The following CCL25 variants were observed in gnomAD, a reference collection of about 807,000 sequenced individuals.
The protein encoded by CCL25 is C-C motif chemokine 25.
CCL25 carries 14 observed loss-of-function variants against 19.9 expected under a neutral mutation model. The observed-to-expected ratio is 0.70, with a 90% CI of 0.47 to 1.10. The LOEUF (loss-of-function observed/expected upper bound fraction) is 1.10, where lower values mean the gene tolerates loss of function less well. CCL25 is among the 50% of genes least tolerant of loss of function. The pLI is 0.00. For missense variants in CCL25, 151 were observed against 181.2 expected, an observed-to-expected ratio of 0.83 and a Z score of 0.96; for synonymous variants, 68 against 73.2, an observed-to-expected ratio of 0.93 and a Z score of 0.36.
chr19:8,061,541 G>A (rs1344462546), intron 5 of CCL25, among the ~76,000 whole-genome samples: 1 of 152,114 alleles, frequency 6.6e-6, no homozygotes, highest in Non-Finnish European at 1.5e-5. Context: ...GGGACCAAAA[G>A]CTCCAAGTTT....
At chr19:8,062,149 C>A in intron 5 of CCL25, 69 bp from the exon 6 acceptor site, 3 of 1,520,582 alleles carry the variant, frequency 2.0e-6, no homozygotes, top group Non-Finnish European at 2.7e-6. Flanking sequence ...GAGGTAGAGA[C>A]AAATGCATAT....
chr19:8,058,301 CATATATA>C (rs1370236716), intron 5 of CCL25, among the ~76,000 whole-genome samples: 75 of 121,806 alleles, frequency 6.2e-4, no homozygotes, highest in African/African-American at 2.1e-3. Flanking sequence ...AATATATAAA[CATATATA>C]ATATATAAGT....
Position 8,062,370 on chromosome 19 carries a change from C to A in CCL25, c.*145C>A. Reference sequence around the variant, plus strand: ...TGCACCTGAGTTGGTCCTCCCTCTGCACCCCCACCACCTCCTGCCCGTCTG... The same window carrying A: ...TGCACCTGAGTTGGTCCTCCCTCTGAACCCCCACCACCTCCTGCCCGTCTG... On this transcript the variant is annotated 3_prime_UTR_variant, in exon 6 of 6. Coordinates refer to ENST00000315626, the MANE Select transcript of CCL25 (RefSeq NM_005624.4). 3 of 778,048 alleles carry A rather than the reference C, an allele frequency of 3.9e-6. No individual in the cohort carries two copies. Among genetic ancestry groups the A allele is most frequent in the Non-Finnish European group, 4.3e-6 (2 of 463,808 alleles). The allele number at this position is 778,048 out of a possible 1,614,324, so 48.2% of individuals were successfully genotyped here.
intron 5 of CCL25, among the ~76,000 whole-genome samples, chr19:8,059,086 T>A (rs8103962): frequency 1.6e-4 from 3 of 18,426 alleles, no homozygotes; most frequent in Non-Finnish European, 3.8e-4. Context: ...ATATATATAA[T>A]ATATATAATG....
At chr19:8,054,587 T>C (rs907108022) in intron 2 of CCL25, among the ~76,000 whole-genome samples, 12 of 152,064 alleles carry the variant, frequency 7.9e-5, no homozygotes, top group African/African-American at 2.7e-4. Context: ...CCCAGCTTCC[T>C]CCACTATCTC....
chr19:8,062,249 C>G lies in CCL25; in HGVS notation c.*24C>G. On this transcript the variant is annotated 3_prime_UTR_variant, in exon 6 of 6. Coordinates refer to ENST00000315626, the MANE Select transcript of CCL25 (RefSeq NM_005624.4). ...GAGCCGGCTCATTTCTGGGCTCCAT[C>G]GGCACAGGAGGGGCCGGATCTTTCT... is the stretch of plus-strand genomic sequence containing the variant. 3 of 1,612,632 alleles carry G rather than the reference C, an allele frequency of 1.9e-6. No individual in the cohort carries two copies. The highest frequency in any genetic ancestry group is 2.5e-6 in the Non-Finnish European group (3 of 1,179,778).
intron 5 of CCL25, among the ~76,000 whole-genome samples, chr19:8,058,334 AAATATATAT>A (rs1394350350): frequency 4.4e-5 from 4 of 91,100 alleles, no homozygotes; most frequent in Non-Finnish European, 5.1e-5. Context: ...TATAATATAT[AAATATATAT>A]AATATATATA....
chr19:8,059,105 T>A (rs2081298411), intron 5 of CCL25, among the ~76,000 whole-genome samples: 1 of 114,254 alleles, frequency 8.8e-6, no homozygotes, highest in Non-Finnish European at 1.7e-5. Flanking sequence ...TGTATATATT[T>A]ATATATAATA....
At position 8,053,135 on chromosome 19, in the gene CCL25, G is replaced by A. The variant is rs1276248812; in HGVS notation, c.73+13G>A. 1.3e-6 allele frequency: 2 copies of A among 1,535,102 alleles called. No homozygotes were observed. The highest frequency in any genetic ancestry group is 2.5e-5 in the East Asian group (1 of 40,568). ...GTCCACACCCAAGGTACTGTGTTCG[G>A]CAATGCCTACCACCAAGTGCCCCTC... On this transcript the variant is annotated intron_variant, in intron 2 of 5. Transcript: ENST00000315626.
intron 5 of CCL25, among the ~76,000 whole-genome samples, chr19:8,059,196 A>G (rs2081301768): frequency 1.7e-5 from 2 of 120,430 alleles, no homozygotes; most frequent in Non-Finnish European, 3.3e-5. Context: ...TATATATATT[A>G]TATATAATTA....
In CCL25 at chr19:8,056,510, CCT is replaced by C. The variant is rs1315498131; in HGVS notation, c.325+14_325+15del. On this transcript the variant is annotated intron_variant, in intron 4 of 5. Coordinates refer to ENST00000315626, the MANE Select transcript of CCL25 (RefSeq NM_005624.4). ...CGCAGACCTTCCAAGGTGGGCAAGA[CCT>C]CTGCTGGGCATCTAGGGGGCCTGCC... The C allele has an allele frequency of 1.2e-6, 2 of 1,613,898 alleles. No individual in the cohort carries two copies. Among genetic ancestry groups the C allele is most frequent in the Non-Finnish European group, 1.7e-6 (2 of 1,179,948 alleles).
intron 2 of CCL25, among the ~76,000 whole-genome samples, chr19:8,054,381 C>T (rs538753612): frequency 2.6e-5 from 4 of 152,336 alleles, no homozygotes; most frequent in Admixed American, 1.3e-4. Flanking sequence ...CACTGCAGTC[C>T]GAGGTTCCAA....
intron 5 of CCL25, among the ~76,000 whole-genome samples, chr19:8,059,356 G>A (rs1388206700): frequency 4.0e-5 from 6 of 150,402 alleles, no homozygotes; most frequent in South Asian, 2.1e-4. Context: ...GCATCACCAC[G>A]TCTGGCTAAT....
intron 5 of CCL25, among the ~76,000 whole-genome samples, chr19:8,061,512 C>A (rs1029440681): frequency 6.6e-6 from 1 of 152,194 alleles, no homozygotes; most frequent in Non-Finnish European, 1.5e-5. Context: ...TGCCAACCTT[C>A]TTCCCCTTCC....
Position 8,062,545 on chromosome 19 carries a change from G to C in CCL25, c.*320G>C, listed in dbSNP as rs1251533305. 1 of 398,422 alleles carries C rather than the reference G, an allele frequency of 2.5e-6. No homozygotes were observed. The highest frequency in any genetic ancestry group is 4.4e-5 in the East Asian group (1 of 22,646). The allele number at this position is 398,422 out of a possible 1,614,324, so 24.7% of individuals were successfully genotyped here. A position where few individuals can be genotyped will look rare whatever the true frequency, so the allele number is the denominator to read the frequency against. ...TTGCCGTCCACCCCGGGCCATGCCA[G>C]TGTGTCCCTCTGGGTCCCTCCAAAA... On this transcript the variant is annotated 3_prime_UTR_variant, in exon 6 of 6. Coordinates refer to ENST00000315626, the MANE Select transcript of CCL25 (RefSeq NM_005624.4).
upstream of CCL25, among the ~76,000 whole-genome samples, chr19:8,052,359 T>G (rs1226471169): frequency 6.6e-6 from 1 of 151,986 alleles, no homozygotes; most frequent in Non-Finnish European, 1.5e-5. Flanking sequence ...CTAAGTTACC[T>G]AACCATGGTG....
At chr19:8,055,285 G>T in intron 2 of CCL25, among the ~76,000 whole-genome samples, 1 of 92,758 alleles carries the variant, frequency 1.1e-5, no homozygotes, top group Non-Finnish European at 2.0e-5. Context: ...TGAGACTCTG[G>T]AAAAAAAAAA....
chr19:8,056,302 G>GGGGGGGGGGGGGGGGGGGGGGCCCCCCCC, intron 3 of CCL25, 33 bp downstream of exon 3: 3 of 593,344 alleles, frequency 5.1e-6, no homozygotes, highest in African/African-American at 1.9e-5. Flanking sequence ...GGGGGGTGGG[G>GGGGGGGGGGGGGGGGGGGGGGCCCCCCCC]TGCACACACA....
chr19:8,060,220 A>G (rs2081308384), intron 5 of CCL25, among the ~76,000 whole-genome samples: 1 of 151,804 alleles, frequency 6.6e-6, no homozygotes, highest in Admixed American at 6.6e-5. Flanking sequence ...ATGCACCTGT[A>G]GTTTCAGCTG....
Sources: allele counts gnomAD v4.1 joint callset (sites outside exome capture counted in the v4.1 genomes callset), GRCh38; gene constraint gnomAD v4.1.1; transcripts MANE v1.5; gene names NCBI Gene and HGNC (gene_info 2026-07-23, HGNC 2026-07-21).